Variants in RC3H2 observed in about 807,000 individuals in gnomAD.
RC3H2 encodes the protein ring finger and CCCH-type domains 2, also known as roquin-2.
RC3H2 carries 31 observed loss-of-function variants against 133.3 expected under a neutral mutation model. The observed-to-expected ratio is 0.23, with a 90% CI of 0.17 to 0.31. RC3H2 has a LOEUF of 0.31. RC3H2 is among the 10% of genes least tolerant of loss of function. RC3H2 has a pLI of 1.00. For synonymous variants in RC3H2, 517 were observed against 502.2 expected, an observed-to-expected ratio of 1.03 and a Z score of -0.40; for missense variants, 1,175 against 1,437.2, an observed-to-expected ratio of 0.82 and a Z score of 2.95.
chr9:122,883,473 G>T, intron 4 of RC3H2, 94 bp from the exon 5 acceptor site: 1 of 837,948 alleles, frequency 1.2e-6, no homozygotes, highest in Non-Finnish European at 1.8e-6. Context: ...AGTTTATAGT[G>T]GCCCATTACC....
intron 4 of RC3H2, among the ~76,000 whole-genome samples, chr9:122,887,844 G>A (rs986100600): frequency 1.3e-4 from 19 of 151,218 alleles, no homozygotes; most frequent in African/African-American, 4.4e-4. Context: ...CCGAGGTTAG[G>A]GCAATTCTCG....
intron 10 of RC3H2, among the ~76,000 whole-genome samples, chr9:122,864,478 A>G (rs988296865): frequency 4.6e-5 from 7 of 152,186 alleles, no homozygotes; most frequent in Non-Finnish European, 1.0e-4. Context: ...CGCAACCAAC[A>G]TATGAAGTTG....
At chr9:122,868,643 C>T (rs1830868330) in intron 9 of RC3H2, among the ~76,000 whole-genome samples, 1 of 152,000 alleles carries the variant, frequency 6.6e-6, no homozygotes, top group East Asian at 1.9e-4. Flanking sequence ...AAACCAGAGA[C>T]CTCTGTTCAC....
chr9:122,874,327 C>T (rs1025043983), intron 9 of RC3H2: 2 of 151,832 alleles, frequency 1.3e-5, no homozygotes, highest in Non-Finnish European at 2.9e-5. Context: ...AGGAGACACA[C>T]ATATTTTAAA....
At chr9:122,863,130 G>A (rs1489060064) in intron 10 of RC3H2, among the ~76,000 whole-genome samples, 1 of 152,040 alleles carries the variant, frequency 6.6e-6, no homozygotes, top group Non-Finnish European at 1.5e-5. Context: ...TCTACTTCCT[G>A]TCTCTATGAA....
intron 2 of RC3H2, among the ~76,000 whole-genome samples, chr9:122,894,417 A>G (rs1832331396): frequency 6.6e-6 from 1 of 152,146 alleles, no homozygotes; most frequent in Non-Finnish European, 1.5e-5. Context: ...AGAGGAGAAG[A>G]GGTAGCCAAT....
intron 13 of RC3H2, 30 bp downstream of exon 13, chr9:122,857,893 G>C (rs772359658): frequency 4.4e-6 from 7 of 1,594,166 alleles, no homozygotes; most frequent in South Asian, 3.3e-5. Flanking sequence ...ACCTATCCCT[G>C]CAACATTAAG....
chr9:122,866,659 G>A (rs1025162779), intron 9 of RC3H2, among the ~76,000 whole-genome samples: 50 of 152,174 alleles, frequency 3.3e-4, no homozygotes, highest in African/African-American at 1.1e-3. Flanking sequence ...CGCCAGCCTC[G>A]GCCTCCGGAG....
Position 122,852,059 on chromosome 9 carries a change from T to G in RC3H2, c.3118-623A>C, listed in dbSNP as rs530455719. On this transcript the variant is annotated intron_variant, in intron 18 of 20. Transcript: ENST00000357244. ...TCCCATCTGGGAAGTGAGGAGCGCC[T>G]CTTCCCGGCCGCCATCACATCTAGG... 1.5e-4 allele frequency among the ~76,000 whole-genome samples: 23 copies of G among 151,054 alleles called. No homozygotes were observed. In the East Asian group the frequency reaches 4.6e-3, roughly 30 times the overall value.
At chr9:122,892,056 C>A (rs77413044) in intron 3 of RC3H2, among the ~76,000 whole-genome samples, 2,261 of 152,090 alleles carry the variant, frequency 0.015, 26 homozygotes, top group South Asian at 0.063. Context: ...TGTTACAGCA[C>A]TATTACACAG....
chr9:122,876,206 A>AT (rs1303594176), intron 9 of RC3H2, among the ~76,000 whole-genome samples: 4 of 152,356 alleles, frequency 2.6e-5, no homozygotes, highest in Admixed American at 2.6e-4. Flanking sequence ...CACAGCATAT[A>AT]TAACAGGCTG....
intron 2 of RC3H2, among the ~76,000 whole-genome samples, chr9:122,896,555 A>C (rs956984976): frequency 3.3e-5 from 5 of 152,216 alleles, no homozygotes; most frequent in Middle Eastern, 6.3e-3. Context: ...ACATTATCTA[A>C]AGAAAATCTT....
chr9:122,867,396 CGGGA>C (rs1371276882), intron 9 of RC3H2, among the ~76,000 whole-genome samples: 10 of 141,464 alleles, frequency 7.1e-5, no homozygotes, highest in African/African-American at 2.4e-4. Flanking sequence ...CCGCTCCGTC[CGGGA>C]GGGAGGTTGG....
At chr9:122,889,670 A>T (rs998149738) in intron 4 of RC3H2, among the ~76,000 whole-genome samples, 4 of 152,306 alleles carry the variant, frequency 2.6e-5, no homozygotes, top group Admixed American at 2.6e-4. Flanking sequence ...TCAGACCAAA[A>T]AAAAAGCTTA....
intron 10 of RC3H2, among the ~76,000 whole-genome samples, chr9:122,863,487 GT>G (rs920823694): frequency 4.0e-5 from 6 of 151,546 alleles, no homozygotes; most frequent in South Asian, 2.1e-4. Context: ...ATGTTATGTT[GT>G]TTTTTTTCTG....
chr9:122,897,767 C>A (rs559371541), intron 1 of RC3H2, 191 bp from the exon 2 acceptor site: 1 of 427,696 alleles, frequency 2.3e-6, no homozygotes, highest in Non-Finnish European at 4.2e-6. Flanking sequence ...GGAAACAATA[C>A]CTTAATAGTG....
chr9:122,875,521 T>TGTAAACA (rs1831297573), intron 9 of RC3H2, among the ~76,000 whole-genome samples: 1 of 152,202 alleles, frequency 6.6e-6, no homozygotes, highest in African/African-American at 2.4e-5. Context: ...TTGTAACAGA[T>TGTAAACA]TCTGTGGCCC....
At chr9:122,884,356 T>C (rs1375824158) in intron 4 of RC3H2, among the ~76,000 whole-genome samples, 1 of 152,168 alleles carries the variant, frequency 6.6e-6, no homozygotes, top group Non-Finnish European at 1.5e-5. Flanking sequence ...CACAGTAGGC[T>C]TATAATAAAT....
rs768214015 is a variant in RC3H2, at chr9:122,897,273, G to A, written c.231+6C>T. 5.6e-6 allele frequency: 9 copies of A among 1,613,420 alleles called. 1 individual carries two copies. In the Middle Eastern group the frequency reaches 1.2e-3, roughly 206 times the overall value. On this transcript the variant is annotated splice_donor_region_variant and intron_variant, in intron 2 of 20. Coordinates refer to ENST00000357244, the MANE Select transcript of RC3H2 (RefSeq NM_001100588.3). ...ACCAACCTATAGTAAAATCTTGAAT[G>A]CTTACCTGGGCTCCAACTAACTGGA...
Sources: gnomAD v4.1 joint callset for allele counts (sites outside exome capture counted in the v4.1 genomes callset) on GRCh38, gnomAD v4.1.1 for gene constraint, MANE v1.5 for transcripts, NCBI Gene and HGNC (gene_info 2026-07-23, HGNC 2026-07-21) for gene names.